The following SGK1 variants were observed in gnomAD, a reference collection of about 807,000 sequenced individuals.
SGK1 encodes serum/glucocorticoid regulated kinase 1.
SGK1 carries 26 observed loss-of-function variants against 64.2 expected under a neutral mutation model. That is an observed-to-expected ratio of 0.40 (90% CI 0.30 to 0.56). The LOEUF (loss-of-function observed/expected upper bound fraction) is 0.56, where lower values mean the gene tolerates loss of function less well. Ranked by LOEUF, SGK1 falls within the 20% of genes least tolerant of loss-of-function variation. SGK1 has a pLI of 0.38. For synonymous variants in SGK1, 265 were observed against 239.7 expected (o/e 1.11, Z -0.98); for missense variants, 519 against 645.6 (o/e 0.80, Z 2.12).
intron 2 of SGK1, among the ~76,000 whole-genome samples, chr6:134,234,451 T>G (rs1776334031): frequency 6.6e-6 from 1 of 152,198 alleles, no homozygotes; most frequent in Non-Finnish European, 1.5e-5. Flanking sequence ...ATTTCTAGCT[T>G]GTAACTAGAA....
intron 2 of SGK1, among the ~76,000 whole-genome samples, chr6:134,212,845 T>G (rs893598609): frequency 6.6e-6 from 1 of 152,212 alleles, no homozygotes; most frequent in Non-Finnish European, 1.5e-5. Context: ...ATGCGAGCTT[T>G]CTTTCTGCAT....
intron 1 of SGK1, 119 bp from the exon 2 acceptor site, chr6:134,262,267 A>C (rs1274378249): frequency 4.5e-6 from 3 of 670,766 alleles, no homozygotes; most frequent in Non-Finnish European, 7.8e-6. Flanking sequence ...CGGTCTCACA[A>C]CCTGTCTATC....
chr6:134,258,650 A>G (rs1776719504), intron 2 of SGK1, among the ~76,000 whole-genome samples: 1 of 152,286 alleles, frequency 6.6e-6, no homozygotes, highest in East Asian at 1.9e-4. Context: ...GATTCTAGTA[A>G]GCCGAGATCG....
chr6:134,312,315 G>A (rs1156328469), intron 1 of SGK1, among the ~76,000 whole-genome samples: 1 of 152,180 alleles, frequency 6.6e-6, no homozygotes, highest in Non-Finnish European at 1.5e-5. Context: ...CATAAGAAAA[G>A]GGCCTTTGTT....
intron 1 of SGK1, among the ~76,000 whole-genome samples, chr6:134,301,517 T>A (rs2114792727): frequency 6.7e-6 from 1 of 148,672 alleles, no homozygotes; most frequent in African/African-American, 2.5e-5. Context: ...TTTTCTTCTC[T>A]TCTCTTTTCT....
At chr6:134,194,910 T>G (rs1446421129) in intron 3 of SGK1, among the ~76,000 whole-genome samples, 1 of 152,228 alleles carries the variant, frequency 6.6e-6, no homozygotes, top group East Asian at 1.9e-4. Context: ...GGCTGAATAT[T>G]TCAGCATGCC....
chr6:134,244,793 G>C (rs1776500965), intron 2 of SGK1, among the ~76,000 whole-genome samples: 1 of 152,138 alleles, frequency 6.6e-6, no homozygotes, highest in Admixed American at 6.5e-5. Context: ...TTTATTTTTT[G>C]AGATGGAGTT....
chr6:134,221,624 A>G (rs928995846), intron 2 of SGK1, among the ~76,000 whole-genome samples: 7 of 150,838 alleles, frequency 4.6e-5, no homozygotes, highest in Admixed American at 1.3e-4. Flanking sequence ...AAATTTCATG[A>G]GTCCTAAACG....
At chr6:134,197,296 G>A (rs1308641194) in intron 3 of SGK1, among the ~76,000 whole-genome samples, 1 of 152,128 alleles carries the variant, frequency 6.6e-6, no homozygotes, top group Non-Finnish European at 1.5e-5. Flanking sequence ...TTGGGGAGTA[G>A]TGGAAGATAG....
At chr6:134,208,869 T>C (rs1775837832) in intron 2 of SGK1, among the ~76,000 whole-genome samples, 1 of 130,674 alleles carries the variant, frequency 7.7e-6, no homozygotes, top group South Asian at 2.7e-4. Context: ...TATGTGTATA[T>C]ATGCATATAC....
intron 2 of SGK1, among the ~76,000 whole-genome samples, chr6:134,247,079 G>A (rs928413809): frequency 2.0e-5 from 3 of 151,806 alleles, no homozygotes; most frequent in Non-Finnish European, 4.4e-5. Context: ...AAGTATTGAC[G>A]GGTCTTGTTC....
intron 1 of SGK1, among the ~76,000 whole-genome samples, chr6:134,296,131 G>A (rs1777343856): frequency 6.6e-6 from 1 of 152,174 alleles, no homozygotes; most frequent in African/African-American, 2.4e-5. Flanking sequence ...TCTTATCTGT[G>A]TGACCATGGG....
rs182230788 is a variant in SGK1 at position 134,170,234 on chromosome 6, C to T, written c.*34G>A. 1.3e-6 allele frequency: 2 copies of T among 1,560,796 alleles called. No individual in the cohort carries two copies. Among genetic ancestry groups the T allele is most frequent in the Admixed American group, 1.8e-5 (1 of 54,902 alleles). ...GCTAACTAAAACATTCGGAAACACA[C>T]ATAAAATCCTTTAAAACCAAGCCCT... On this transcript the variant is annotated 3_prime_UTR_variant, in exon 14 of 14. Transcript: ENST00000367858.
chr6:134,305,124 A>C (rs1456825402), intron 1 of SGK1, among the ~76,000 whole-genome samples: 1 of 152,090 alleles, frequency 6.6e-6, no homozygotes, highest in Non-Finnish European at 1.5e-5. Flanking sequence ...TTGGGAGGCC[A>C]AGACGGGTGG....
chr6:134,298,629 C>T (rs6921638), intron 1 of SGK1: 186,663 of 1,265,250 alleles, frequency 0.15, 15,920 homozygotes, highest in East Asian at 0.27. Context: ...CGTGTAGGAG[C>T]GGCTGCTGAA....
At chr6:134,171,294 C>T (rs1379556024) in intron 11 of SGK1, 116 bp from the exon 12 acceptor site, 2 of 960,834 alleles carry the variant, frequency 2.1e-6, no homozygotes, top group African/African-American at 3.3e-5. Flanking sequence ...GAGAAACTCT[C>T]CCCACCTCAA....
chr6:134,174,816 C>T (rs1372855067), intron 3 of SGK1: 3 of 1,614,056 alleles, frequency 1.9e-6, no homozygotes, highest in Admixed American at 1.7e-5. Context: ...ATCACCACCG[C>T]GGGGAGACAG....
intron 1 of SGK1, among the ~76,000 whole-genome samples, chr6:134,282,770 T>G (rs1777114549): frequency 6.6e-6 from 1 of 151,802 alleles, no homozygotes; most frequent in African/African-American, 2.4e-5. Context: ...AAATTATGCC[T>G]CAAGACTGCA....
In SGK1 at chr6:134,173,004, T is replaced by G; in HGVS notation, c.834+19A>C. On this transcript the variant is annotated intron_variant, in intron 8 of 13. Coordinates refer to ENST00000367858, the MANE Select transcript of SGK1 (RefSeq NM_001143676.3). ...CTGTGCAGAGACACTAAGAGTTGACTTCTATCCCCCCTGCTCACCTCTCCA... is the reference window on the plus strand; with the variant it reads ...CTGTGCAGAGACACTAAGAGTTGACGTCTATCCCCCCTGCTCACCTCTCCA... 1 of 1,602,046 alleles carries G rather than the reference T, an allele frequency of 6.2e-7. No individual in the cohort carries two copies. The highest frequency in any genetic ancestry group is 2.2e-5 in the East Asian group (1 of 44,646).
Sources: gnomAD v4.1 joint callset for allele counts (sites outside exome capture counted in the v4.1 genomes callset) on GRCh38, gnomAD v4.1.1 for gene constraint, MANE v1.5 for transcripts, NCBI Gene and HGNC (gene_info 2026-07-23, HGNC 2026-07-21) for gene names.